The following LZTS1 variants were observed in gnomAD, a reference collection of about 807,000 sequenced individuals.
LZTS1 encodes the protein leucine zipper putative tumor suppressor 1.
In LZTS1, 31 loss-of-function variants were observed where a neutral mutation model predicts 45.8. That is an observed-to-expected ratio of 0.68 (90% CI 0.51 to 0.91). The LOEUF (loss-of-function observed/expected upper bound fraction) is 0.91. LZTS1 is among the 40% of genes least tolerant of loss of function. The pLI, the probability that LZTS1 is intolerant of heterozygous loss-of-function variation, is 0.00. For synonymous variants in LZTS1, 359 were observed against 357.3 expected, an observed-to-expected ratio of 1.00 and a Z score of -0.05; for missense variants, 821 against 788.9, an observed-to-expected ratio of 1.04 and a Z score of -0.49.
intron 1 of LZTS1, among the ~76,000 whole-genome samples, chr8:20,291,637 T>C (rs750770294): frequency 3.8e-4 from 57 of 151,704 alleles, no homozygotes; most frequent in Non-Finnish European, 7.1e-4. Context: ...GAGCACCCTT[T>C]CTGCAGAAAG....
intron 1 of LZTS1, chr8:20,275,827 A>T (rs1007455586): frequency 3.3e-5 from 5 of 152,232 alleles, no homozygotes. Context: ...GCTGGTTATG[A>T]GGATTGGATT....
At position 20,248,664 on chromosome 8, in the gene LZTS1, G is replaced by C. The variant is rs1799800704; in HGVS notation, c.*1058C>G. The C allele has an allele frequency of 6.6e-6, 1 of 152,298 alleles. No homozygotes were observed. The highest frequency in any genetic ancestry group is 2.4e-5 in the African/African-American group (1 of 41,454). 9.4% of individuals were successfully genotyped at this position (152,298 alleles called of 1,614,324 possible). ...TGAAGGTGCTAAGGGGGAAAGGTTT[G>C]CCGCTAAACCTGGCTGTAGGCAGAG... On this transcript the variant is annotated 3_prime_UTR_variant, in exon 4 of 4. Coordinates refer to ENST00000381569, the MANE Select transcript of LZTS1 (RefSeq NM_021020.5).
chr8:20,285,626 ATAATC>A (rs1241422773), intron 1 of LZTS1, among the ~76,000 whole-genome samples: 1 of 152,238 alleles, frequency 6.6e-6, no homozygotes, highest in Non-Finnish European at 1.5e-5. Context: ...CACAGACTTG[ATAATC>A]TAAAGATTTA....
intron 1 of LZTS1, among the ~76,000 whole-genome samples, chr8:20,287,897 CAAAAAAAAAAAAAAA>C (rs34653802): frequency 1.5e-4 from 8 of 54,118 alleles, no homozygotes; most frequent in African/African-American, 4.5e-4. Context: ...GCACTCCAGC[CAAAAAAAAAAAAAAA>C]AAAAAAAAAG....
Position 20,255,189 on chromosome 8 carries a change from C to T in LZTS1, c.-8G>A. 6 of 1,607,006 alleles carry T rather than the reference C, an allele frequency of 3.7e-6. No individual in the cohort carries two copies. The highest frequency in any genetic ancestry group is 2.2e-5 in the East Asian group (1 of 44,800). Reference sequence around the variant, plus strand: ...GCTACTGACGCTGCCCATGGTGACTCGGGGCTGAGGATGGGGCAGGGCCGG... The same window carrying T: ...GCTACTGACGCTGCCCATGGTGACTTGGGGCTGAGGATGGGGCAGGGCCGG... On this transcript the variant is annotated 5_prime_UTR_variant, in exon 2 of 4. Transcript: ENST00000381569.
chr8:20,278,372 T>G (rs1368041960), intron 1 of LZTS1, among the ~76,000 whole-genome samples: 1 of 152,198 alleles, frequency 6.6e-6, no homozygotes, highest in Non-Finnish European at 1.5e-5. Context: ...CCTTCCCAAG[T>G]GCTGGCAGGC....
Position 20,293,120 on chromosome 8 carries a change from G to A in LZTS1, c.-135+10620C>T, listed in dbSNP as rs7834427. 6.6e-3 allele frequency among the ~76,000 whole-genome samples: 998 copies of A among 152,204 alleles called. 8 individuals carry two copies. Among genetic ancestry groups the A allele is most frequent in the African/African-American group, 0.023 (961 of 41,494 alleles). On this transcript the variant is annotated intron_variant, in intron 1 of 3. Transcript: ENST00000381569. Reference sequence around the variant, plus strand: ...AACTAGGAGATACGAGATGAAGATAGGTATTCTAATAATGGTATTTCTAGA... The same window carrying A: ...AACTAGGAGATACGAGATGAAGATAAGTATTCTAATAATGGTATTTCTAGA...
At chr8:20,294,581 G>A (rs1167972756) in intron 1 of LZTS1, among the ~76,000 whole-genome samples, 1 of 152,172 alleles carries the variant, frequency 6.6e-6, no homozygotes, top group Non-Finnish European at 1.5e-5. Context: ...CGTTGGGGCT[G>A]GGGGAATTTG....
rs1299784362 is a variant in LZTS1 at position 20,303,756 on chromosome 8, G to C, written c.-151C>G. Reference sequence around the variant, plus strand: ...GCACCTTACCTGCCCCCTGCGCCTCGGGCGCACTTGAGACTTTTTTTTTTT... The same window carrying C: ...GCACCTTACCTGCCCCCTGCGCCTCCGGCGCACTTGAGACTTTTTTTTTTT... On this transcript the variant is annotated 5_prime_UTR_variant, in exon 1 of 4. Coordinates refer to ENST00000381569, the MANE Select transcript of LZTS1 (RefSeq NM_021020.5). 1 of 985,202 alleles carries C rather than the reference G, an allele frequency of 1.0e-6. No homozygotes were observed. Among genetic ancestry groups the C allele is most frequent in the Non-Finnish European group, 1.2e-6 (1 of 830,158 alleles). The allele number at this position is 985,202 out of a possible 1,614,324, so 61.0% of individuals were successfully genotyped here.
rs545204838 is a variant in LZTS1, at chr8:20,257,132, T to C, written c.-134-1817A>G. Among the ~76,000 whole-genome samples, 4 of 152,238 alleles carry C rather than the reference T, an allele frequency of 2.6e-5. No homozygotes were observed. In the East Asian group the frequency reaches 7.7e-4, roughly 29 times the overall value. Reference sequence around the variant, plus strand: ...TGGGAGGCCAAGGTGGGCAGATCACTTGAGGTCAAGGGTTTGAAACCAGCC... The same window carrying C: ...TGGGAGGCCAAGGTGGGCAGATCACCTGAGGTCAAGGGTTTGAAACCAGCC... On this transcript the variant is annotated intron_variant, in intron 1 of 3. Coordinates refer to ENST00000381569, the MANE Select transcript of LZTS1 (RefSeq NM_021020.5).
rs768483065 is a variant in LZTS1 at position 20,253,107 on chromosome 8, C to T, written c.824G>A (p.Gly275Asp). Residue 275 changes from glycine (G) to aspartate (D), a missense_variant, in exon 3 of 4, where the codon GGC becomes GAC. Coordinates refer to ENST00000381569, the MANE Select transcript of LZTS1 (RefSeq NM_021020.5). Reference protein sequence around the residue: ...ELEQKLLEREGALQKLQRSFE... With the variant: ...ELEQKLLEREDALQKLQRSFE... ...GCTGCGCTGCAGCTTCTGGAGGGCG[C>T]CCTCCCTCTCCAACAGCTTCTGCTC... is the stretch of plus-strand genomic sequence containing the variant. The T allele has an allele frequency of 4.4e-5, 71 of 1,610,966 alleles. No individual in the cohort carries two copies. The highest frequency in any genetic ancestry group is 1.1e-5 in the Non-Finnish European group (13 of 1,178,920).
rs1585272635 is a variant in LZTS1 at position 20,250,417 on chromosome 8, G to C, written c.1150-54C>G. On this transcript the variant is annotated intron_variant, in intron 3 of 3. Transcript: ENST00000381569. Reference sequence around the variant, plus strand: ...CCAAGAGGTGAGTGTCCTTACCCAGGGAAGTGACAGCTCAGCTGCCTAAAA... The same window carrying C: ...CCAAGAGGTGAGTGTCCTTACCCAGCGAAGTGACAGCTCAGCTGCCTAAAA... 11 of 1,503,804 alleles carry C rather than the reference G, an allele frequency of 7.3e-6. No homozygotes were observed. The East Asian group carries it at 1.6e-4, about 22-fold the overall frequency. 93.2% of individuals were successfully genotyped at this position (1,503,804 alleles called of 1,614,324 possible). A position where few individuals can be genotyped will look rare whatever the true frequency, so the allele number is the denominator to read the frequency against.
rs1239450891 is a variant in LZTS1 at position 20,252,907 on chromosome 8, TCTC to T, written c.1021_1023del (p.Glu341del). On this transcript the variant is annotated inframe_deletion, in exon 3 of 4. Transcript: ENST00000381569. ...TCGAGCTCCTGCCGGAGCTGCCGCT[TCTC>T]CTGCTGAAGCTGCAGTACCTGCAGG... 6.2e-7 allele frequency: 1 copy of T among 1,610,404 alleles called. No homozygotes were observed. The highest frequency in any genetic ancestry group is 1.7e-4 in the Middle Eastern group (1 of 6,040).
chr8:20,259,925 C>T (rs528041134), intron 1 of LZTS1, among the ~76,000 whole-genome samples: 2 of 146,608 alleles, frequency 1.4e-5, no homozygotes, highest in African/African-American at 5.2e-5. Context: ...GAAACAGAGT[C>T]TCATTCTGTC....
At chr8:20,251,133 ATATATAT>A (rs1563850933) in intron 3 of LZTS1, among the ~76,000 whole-genome samples, 5 of 107,126 alleles carry the variant, frequency 4.7e-5, no homozygotes, top group African/African-American at 1.9e-4. Context: ...ATATATATAT[ATATATAT>A]ATATATATAA....
chr8:20,287,428 A>C (rs912953549), intron 1 of LZTS1, among the ~76,000 whole-genome samples: 3 of 152,246 alleles, frequency 2.0e-5, no homozygotes, highest in Non-Finnish European at 4.4e-5. Context: ...AGTAAAATGT[A>C]AACCCTTGCC....
chr8:20,253,598 A>G lies in LZTS1; in HGVS notation c.346-13T>C, dbSNP rs762819456. On this transcript the variant is annotated splice_polypyrimidine_tract_variant and intron_variant, in intron 2 of 3. Coordinates refer to ENST00000381569, the MANE Select transcript of LZTS1 (RefSeq NM_021020.5). ...CCTTCTCGGAGCCCTGTAGAGGAAA[A>G]GGACCGCGGTGACTCATGCCTCCCC... is the stretch of plus-strand genomic sequence containing the variant. 31 of 1,437,484 alleles carry G rather than the reference A, an allele frequency of 2.2e-5. No individual in the cohort carries two copies. Among genetic ancestry groups the G allele is most frequent in the Non-Finnish European group, 2.7e-5 (30 of 1,097,416 alleles). 89.0% of individuals were successfully genotyped at this position (1,437,484 alleles called of 1,614,324 possible).
rs1266438173 is a variant in LZTS1, at chr8:20,248,024, A to C, written c.*1698T>G. ...GCAAAAAAGAAAAAGAAAGAAGAATAAAAGAAAAATCTGGCCAGGCACGGT... is the reference window on the plus strand; with the variant it reads ...GCAAAAAAGAAAAAGAAAGAAGAATCAAAGAAAAATCTGGCCAGGCACGGT... On this transcript the variant is annotated 3_prime_UTR_variant, in exon 4 of 4. Coordinates refer to ENST00000381569, the MANE Select transcript of LZTS1 (RefSeq NM_021020.5). 6.6e-6 allele frequency: 1 copy of C among 152,606 alleles called. No individual in the cohort carries two copies. Among genetic ancestry groups the C allele is most frequent in the East Asian group, 1.9e-4 (1 of 5,188 alleles). 9.5% of individuals were successfully genotyped at this position (152,606 alleles called of 1,614,324 possible). A position where few individuals can be genotyped will look rare whatever the true frequency, so the allele number is the denominator to read the frequency against.
intron 1 of LZTS1, among the ~76,000 whole-genome samples, chr8:20,287,868 G>A (rs1173725718): frequency 1.6e-5 from 2 of 123,608 alleles, no homozygotes; most frequent in African/African-American, 6.0e-5. Flanking sequence ...AGAGGTTGCA[G>A]TAAGCTAATC....
Sources: gnomAD v4.1 joint callset for allele counts (sites outside exome capture counted in the v4.1 genomes callset) on GRCh38, gnomAD v4.1.1 for gene constraint, MANE v1.5 for transcripts, NCBI Gene and HGNC (gene_info 2026-07-23, HGNC 2026-07-21) for gene names.